Variants in MANBA observed in about 807,000 individuals in gnomAD.
The protein encoded by MANBA is mannosidase beta, also known as beta-mannosidase.
Under a neutral mutation model 111.1 loss-of-function variants are expected in MANBA, and 83 were observed. The observed-to-expected ratio is 0.75, with a 90% CI of 0.63 to 0.90. The LOEUF (loss-of-function observed/expected upper bound fraction) is 0.90, where lower values mean the gene tolerates loss of function less well. Ranked by LOEUF, MANBA falls within the 40% of genes least tolerant of loss-of-function variation. The pLI is 0.00. For synonymous variants in MANBA, 370 were observed against 378.7 expected (o/e 0.98, Z 0.27); for missense variants, 1,036 against 1,069.0 (o/e 0.97, Z 0.43).
chr4:102,697,805 C>A (rs1386979282), intron 5 of MANBA, among the ~76,000 whole-genome samples: 2 of 152,014 alleles, frequency 1.3e-5, no homozygotes, highest in South Asian at 2.1e-4. Context: ...GTGAATAGTG[C>A]CACAATAAAC....
intron 7 of MANBA, among the ~76,000 whole-genome samples, chr4:102,682,197 A>G (rs910736025): frequency 2.0e-5 from 3 of 152,008 alleles, no homozygotes; most frequent in Non-Finnish European, 4.4e-5. Context: ...GTAGAATATA[A>G]TGTCTATTAC....
intron 13 of MANBA, among the ~76,000 whole-genome samples, chr4:102,645,863 G>C (rs1251398668): frequency 3.9e-5 from 6 of 151,944 alleles, no homozygotes; most frequent in African/African-American, 1.4e-4. Context: ...GTTCTAATGA[G>C]GTCTTTATTT....
chr4:102,653,144 T>G lies in MANBA; in HGVS notation c.1705-2443A>C, dbSNP rs956129461. ...TTTCATGGGCTCTCACTGTGTCAGG[T>G]AGAGTGCTGAGTGCTTCAATGTATT... On this transcript the variant is annotated intron_variant, in intron 12 of 16. Transcript: ENST00000647097. Among the ~76,000 whole-genome samples, 5 of 152,000 alleles carry G rather than the reference T, an allele frequency of 3.3e-5. No individual in the cohort carries two copies. The South Asian group carries it at 8.3e-4, about 25-fold the overall frequency.
At chr4:102,690,278 T>C (rs1318621623) in intron 6 of MANBA, among the ~76,000 whole-genome samples, 1 of 152,168 alleles carries the variant, frequency 6.6e-6, no homozygotes, top group Non-Finnish European at 1.5e-5. Context: ...TATTTAAATA[T>C]AATCCATAGA....
At chr4:102,757,189 C>G (rs1482218696) in intron 1 of MANBA, among the ~76,000 whole-genome samples, 1 of 152,116 alleles carries the variant, frequency 6.6e-6, no homozygotes, top group Non-Finnish European at 1.5e-5. Flanking sequence ...ATTAGCCAGG[C>G]ATGGTGGCAC....
At chr4:102,737,984 A>T in intron 1 of MANBA, among the ~76,000 whole-genome samples, 1 of 152,126 alleles carries the variant, frequency 6.6e-6, no homozygotes, top group South Asian at 2.1e-4. Flanking sequence ...GTCGCCAAAG[A>T]CAAATGACAT....
At chr4:102,697,071 G>A (rs1732743914) in intron 5 of MANBA, among the ~76,000 whole-genome samples, 1 of 152,048 alleles carries the variant, frequency 6.6e-6, no homozygotes, top group African/African-American at 2.4e-5. Flanking sequence ...TGAAATCAAG[G>A]CAAAAGAGAC....
intron 13 of MANBA, among the ~76,000 whole-genome samples, chr4:102,646,315 C>G (rs1254665786): frequency 6.6e-6 from 1 of 152,082 alleles, no homozygotes; most frequent in Non-Finnish European, 1.5e-5. Flanking sequence ...TCAGTATGAC[C>G]TGGATCTTCC....
chr4:102,698,638 C>G (rs1257158053), intron 5 of MANBA, among the ~76,000 whole-genome samples: 2,533 of 148,922 alleles, frequency 0.017, 49 homozygotes, highest in African/African-American at 0.049. Context: ...GCTTGTTTTT[C>G]TCAGGTTTGT....
In MANBA at chr4:102,657,703, C is replaced by G; in HGVS notation, c.1683G>C (p.Pro561=). The change falls in exon 12 of 17, where the codon CCG becomes CCC. Residue 561 remains proline (P), a synonymous_variant. Transcript: ENST00000647097. The part of the protein sequence containing the change: ...FASEYGYQSW[P]SFSTLEKVSS... ...TTACCTTTTCTAATGTACTGAAGGA[C>G]GGCCAGGACTGATATCCATATTCAG... is the stretch of plus-strand genomic sequence containing the variant. 6.2e-7 allele frequency: 1 copy of G among 1,611,850 alleles called. No individual in the cohort carries two copies. The highest frequency in any genetic ancestry group is 1.1e-5 in the South Asian group (1 of 91,024).
At chr4:102,758,449 A>C (rs1253354599) in intron 1 of MANBA, among the ~76,000 whole-genome samples, 2 of 152,186 alleles carry the variant, frequency 1.3e-5, no homozygotes, top group Non-Finnish European at 2.9e-5. Context: ...CCTCAAGTCA[A>C]CACCAAAAAG....
At position 102,673,917 on chromosome 4, in the gene MANBA, A is replaced by G; in HGVS notation, c.1112+2T>C. On this transcript the variant is annotated splice_donor_variant, in intron 8 of 16. Coordinates refer to ENST00000647097, the MANE Select transcript of MANBA (RefSeq NM_005908.4). LOFTEE classifies it high-confidence loss of function. ...AACAAGAAAAGAAAGACAATAACTT[A>G]CAACTCAGAGGTTACTCGGTCCTGG... 6.2e-7 allele frequency: 1 copy of G among 1,607,714 alleles called. No homozygotes were observed. The highest frequency in any genetic ancestry group is 8.5e-7 in the Non-Finnish European group (1 of 1,174,204).
intron 1 of MANBA, among the ~76,000 whole-genome samples, chr4:102,754,315 T>C (rs1029542415): frequency 1.3e-5 from 2 of 152,020 alleles, no homozygotes; most frequent in African/African-American, 4.8e-5. Flanking sequence ...CTTTTAAATA[T>C]TTGTCTAAGA....
intron 13 of MANBA, among the ~76,000 whole-genome samples, chr4:102,640,266 CT>C (rs1350181626): frequency 1.3e-5 from 2 of 152,070 alleles, no homozygotes; most frequent in African/African-American, 4.8e-5. Flanking sequence ...TTAAGAAAAA[CT>C]TTTACTAGAA....
At chr4:102,707,050 G>A (rs750684192) in intron 5 of MANBA, among the ~76,000 whole-genome samples, 5 of 152,106 alleles carry the variant, frequency 3.3e-5, no homozygotes, top group Non-Finnish European at 7.4e-5. Flanking sequence ...TCTGGCAAGA[G>A]ATTTAATATC....
intron 12 of MANBA, among the ~76,000 whole-genome samples, chr4:102,656,713 G>A (rs570199290): frequency 2.7e-4 from 41 of 152,098 alleles, no homozygotes; most frequent in African/African-American, 8.7e-4. Flanking sequence ...TAAACAAAAC[G>A]TAGTGTATAT....
chr4:102,751,853 A>AG, intron 1 of MANBA: 1 of 520,300 alleles, frequency 1.9e-6, no homozygotes, highest in Non-Finnish European at 3.8e-6. Flanking sequence ...CCAAAAAAAA[A>AG]GATAGTTTGT....
intron 8 of MANBA, among the ~76,000 whole-genome samples, chr4:102,672,764 A>T (rs1249513185): frequency 6.6e-6 from 1 of 152,206 alleles, no homozygotes; most frequent in African/African-American, 2.4e-5. Flanking sequence ...GTGCATGCGA[A>T]GGATACAGGT....
chr4:102,671,144 T>C (rs1205880467), intron 9 of MANBA, 137 bp downstream of exon 9: 8 of 684,472 alleles, frequency 1.2e-5, no homozygotes, highest in Non-Finnish European at 2.2e-5. Context: ...GTTTACAAGA[T>C]GCCATTTATT....
Sources: gnomAD v4.1 joint callset for allele counts (sites outside exome capture counted in the v4.1 genomes callset) on GRCh38, gnomAD v4.1.1 for gene constraint, MANE v1.5 for transcripts, NCBI Gene and HGNC (gene_info 2026-07-23, HGNC 2026-07-21) for gene names.